The following SLC9A8 variants were observed in gnomAD, a reference collection of about 807,000 sequenced individuals.
SLC9A8 encodes sodium/hydrogen exchanger 8.
In SLC9A8, 48 loss-of-function variants were observed where a neutral mutation model predicts 66.6. The ratio of observed to expected loss-of-function variants is 0.72; its 90% CI spans 0.57 to 0.92. SLC9A8 has a LOEUF of 0.92. Ranked by LOEUF, SLC9A8 falls within the 40% of genes least tolerant of loss-of-function variation. SLC9A8 has a pLI of 0.00. For missense variants in SLC9A8, 599 were observed against 747.3 expected, an observed-to-expected ratio of 0.80 and a Z score of 2.31; for synonymous variants, 274 against 282.6, an observed-to-expected ratio of 0.97 and a Z score of 0.31.
intron 2 of SLC9A8, among the ~76,000 whole-genome samples, chr20:49,820,702 C>T (rs1033699457): frequency 7.3e-5 from 11 of 151,682 alleles, no homozygotes; most frequent in Non-Finnish European, 1.5e-5. Flanking sequence ...CGCACCACCA[C>T]ACCCTGCTAA....
chr20:49,885,540 C>G (rs1322595144), intron 14 of SLC9A8, among the ~76,000 whole-genome samples: 1 of 152,204 alleles, frequency 6.6e-6, no homozygotes, highest in Non-Finnish European at 1.5e-5. Flanking sequence ...GTGGTCCAGG[C>G]TAAGAATTTG....
intron 7 of SLC9A8, 116 bp from the exon 8 acceptor site, chr20:49,855,322 T>C (rs2146637406): frequency 9.7e-7 from 1 of 1,029,414 alleles, no homozygotes; most frequent in East Asian, 2.4e-5. Context: ...TGTAATTAAT[T>C]CAGCTCTAGC....
At chr20:49,872,547 G>A in intron 10 of SLC9A8, among the ~76,000 whole-genome samples, 1 of 151,394 alleles carries the variant, frequency 6.6e-6, no homozygotes, top group Non-Finnish European at 1.5e-5. Context: ...GTGCAGTGCC[G>A]CAATCTCGGC....
chr20:49,862,363 G>T (rs1278161867), intron 8 of SLC9A8, among the ~76,000 whole-genome samples: 1 of 152,126 alleles, frequency 6.6e-6, no homozygotes, highest in African/African-American at 2.4e-5. Context: ...CTGGGTTCAA[G>T]CGATTCTCCT....
At chr20:49,868,166 AG>A (rs2089051642) in intron 10 of SLC9A8, among the ~76,000 whole-genome samples, 1 of 152,224 alleles carries the variant, frequency 6.6e-6, no homozygotes, top group Non-Finnish European at 1.5e-5. Context: ...CTGTTGGCAA[AG>A]ATGTGTTTCA....
At chr20:49,884,111 C>G (rs1600819038) in intron 14 of SLC9A8, 45 bp downstream of exon 14, 2 of 1,561,028 alleles carry the variant, frequency 1.3e-6, no homozygotes, top group East Asian at 4.5e-5. Flanking sequence ...GGCTGGCCTG[C>G]TACGCAGCTG....
At chr20:49,881,072 C>A in intron 13 of SLC9A8, 37 bp downstream of exon 13, 1 of 1,465,978 alleles carries the variant, frequency 6.8e-7, no homozygotes, top group Non-Finnish European at 9.6e-7. Flanking sequence ...TGGGGAAGTA[C>A]CTGTTAAAAG....
chr20:49,887,548 A>G (rs1196395691), intron 15 of SLC9A8, among the ~76,000 whole-genome samples: 5 of 152,150 alleles, frequency 3.3e-5, no homozygotes, highest in African/African-American at 1.2e-4. Flanking sequence ...CAATATGGGC[A>G]TAACTGGGAG....
At chr20:49,860,156 CA>C (rs1229643209) in intron 8 of SLC9A8, among the ~76,000 whole-genome samples, 7 of 152,164 alleles carry the variant, frequency 4.6e-5, no homozygotes, top group African/African-American at 1.4e-4. Flanking sequence ...TCATGGCCTT[CA>C]AAAGCACTTT....
At chr20:49,883,587 C>T (rs1024588243) in intron 13 of SLC9A8, among the ~76,000 whole-genome samples, 1 of 152,214 alleles carries the variant, frequency 6.6e-6, no homozygotes, top group African/African-American at 2.4e-5. Context: ...TCCTCCCGCA[C>T]CCGCATCTGG....
At chr20:49,882,156 G>GT (rs2089649055) in intron 13 of SLC9A8, among the ~76,000 whole-genome samples, 1 of 152,166 alleles carries the variant, frequency 6.6e-6, no homozygotes, top group Admixed American at 6.5e-5. Flanking sequence ...TTCAGCCAGA[G>GT]TTCCTCCTCA....
At chr20:49,862,887 A>G in intron 8 of SLC9A8, 42 bp from the exon 9 acceptor site, 2 of 1,480,362 alleles carry the variant, frequency 1.4e-6, no homozygotes, top group South Asian at 1.2e-5. Context: ...AACTTTGTGT[A>G]TATAACATTT....
At chr20:49,858,653 AG>A (rs902757263) in intron 8 of SLC9A8, among the ~76,000 whole-genome samples, 1 of 152,054 alleles carries the variant, frequency 6.6e-6, no homozygotes, top group African/African-American at 2.4e-5. Flanking sequence ...TTACTGGAAA[AG>A]TGCTTTGGAA....
chr20:49,836,590 G>A (rs1600686335), intron 3 of SLC9A8, among the ~76,000 whole-genome samples: 1 of 152,134 alleles, frequency 6.6e-6, no homozygotes, highest in Admixed American at 6.6e-5. Context: ...GCCTCCCAAA[G>A]TGCTGGGATT....
chr20:49,826,483 C>T (rs2146483873), intron 3 of SLC9A8, among the ~76,000 whole-genome samples: 1 of 152,292 alleles, frequency 6.6e-6, no homozygotes, highest in East Asian at 1.9e-4. Context: ...CATTACTGGT[C>T]TTTTGCTTTA....
intron 10 of SLC9A8, among the ~76,000 whole-genome samples, chr20:49,869,475 G>A (rs2089115129): frequency 6.6e-6 from 1 of 151,374 alleles, no homozygotes; most frequent in Non-Finnish European, 1.5e-5. Flanking sequence ...GTCCGCCTCG[G>A]CCTCCCAAAG....
intron 5 of SLC9A8, among the ~76,000 whole-genome samples, chr20:49,847,082 A>G (rs2088029288): frequency 6.6e-6 from 1 of 152,218 alleles, no homozygotes; most frequent in South Asian, 2.1e-4. Context: ...AAGCATATTA[A>G]GATGTTCAGC....
chr20:49,866,813 A>G (rs1316743646), intron 10 of SLC9A8, among the ~76,000 whole-genome samples: 2 of 151,228 alleles, frequency 1.3e-5, no homozygotes, highest in Non-Finnish European at 2.9e-5. Flanking sequence ...TTTTTTCCCT[A>G]TGTGCTTAAT....
At chr20:49,830,822 G>C in intron 3 of SLC9A8, 7 of 1,401,226 alleles carry the variant, frequency 5.0e-6, no homozygotes, top group Non-Finnish European at 7.1e-6. Context: ...ATCAGGCCCA[G>C]CAGACACTCT....
Sources: allele counts gnomAD v4.1 joint callset (sites outside exome capture counted in the v4.1 genomes callset), GRCh38; gene constraint gnomAD v4.1.1; transcripts MANE v1.5; gene names NCBI Gene and HGNC (gene_info 2026-07-23, HGNC 2026-07-21).